COL25A1: variants seen among roughly 807,000 people sequenced by gnomAD.
COL25A1 encodes the protein collagen alpha-1(XXV) chain.
COL25A1 carries 103 observed loss-of-function variants against 128.4 expected under a neutral mutation model. The observed-to-expected ratio is 0.80, with a 90% CI of 0.68 to 0.94. COL25A1 has a LOEUF of 0.94. Ranked by LOEUF, COL25A1 falls within the 40% of genes least tolerant of loss-of-function variation. The pLI is 0.00. For missense variants in COL25A1, 745 were observed against 840.0 expected, an observed-to-expected ratio of 0.89 and a Z score of 1.40; for synonymous variants, 279 against 277.2, an observed-to-expected ratio of 1.01 and a Z score of -0.06.
At chr4:108,931,784 A>C (rs1014613343) in intron 11 of COL25A1, among the ~76,000 whole-genome samples, 1 of 152,120 alleles carries the variant, frequency 6.6e-6, no homozygotes, top group Non-Finnish European at 1.5e-5. Flanking sequence ...TCACTTGTCT[A>C]CTTTTTCTGG....
chr4:109,042,019 G>A (rs997344463), intron 5 of COL25A1, among the ~76,000 whole-genome samples: 13 of 152,066 alleles, frequency 8.5e-5, no homozygotes, highest in Admixed American at 3.9e-4. Context: ...CAAAAAAATT[G>A]TCAATATTTT....
intron 3 of COL25A1, among the ~76,000 whole-genome samples, chr4:109,094,927 A>G (rs572308497): frequency 6.6e-6 from 1 of 152,338 alleles, no homozygotes; most frequent in South Asian, 2.1e-4. Context: ...TTAAATATAT[A>G]CTAATCATGC....
Position 109,251,135 on chromosome 4 carries a change from T to G in COL25A1, c.367+49448A>C, listed in dbSNP as rs531557767. Among the ~76,000 whole-genome samples the G allele has an allele frequency of 1.4e-4, 22 of 152,274 alleles. No individual in the cohort carries two copies. The South Asian group carries it at 4.6e-3, about 32-fold the overall frequency. ...TAAGGGAATAAGGGAAGAAAACAGA[T>G]TTTTGCTTAATATATTTACACACAC... On this transcript the variant is annotated intron_variant, in intron 3 of 37. Coordinates refer to ENST00000399132, the MANE Select transcript of COL25A1 (RefSeq NM_198721.4).
chr4:109,238,004 T>C (rs953159510), intron 3 of COL25A1, among the ~76,000 whole-genome samples: 1 of 152,110 alleles, frequency 6.6e-6, no homozygotes, highest in Non-Finnish European at 1.5e-5. Flanking sequence ...ATCTTTTCTT[T>C]TTTAAGCCTA....
At chr4:108,816,057 T>A (rs1731220084) in intron 37 of COL25A1, among the ~76,000 whole-genome samples, 1 of 152,124 alleles carries the variant, frequency 6.6e-6, no homozygotes, top group Non-Finnish European at 1.5e-5. Flanking sequence ...GAACGGGGGT[T>A]ATGATAGTGG....
At chr4:109,025,277 C>T (rs1254346283) in intron 5 of COL25A1, among the ~76,000 whole-genome samples, 1 of 152,136 alleles carries the variant, frequency 6.6e-6, no homozygotes, top group Admixed American at 6.5e-5. Context: ...GCTCAGCTTC[C>T]ATTGCTTTAA....
At chr4:108,851,451 GAC>G (rs1735768338) in intron 26 of COL25A1, among the ~76,000 whole-genome samples, 1 of 152,082 alleles carries the variant, frequency 6.6e-6, no homozygotes. Flanking sequence ...TGTGTGTTAT[GAC>G]AGACTTAGCA....
intron 8 of COL25A1, among the ~76,000 whole-genome samples, chr4:108,962,889 C>T (rs953339052): frequency 2.0e-5 from 3 of 152,200 alleles, no homozygotes; most frequent in Non-Finnish European, 2.9e-5. Flanking sequence ...CCCCCAAAGT[C>T]ACTGTAGAAT....
At chr4:109,176,624 T>A (rs1774135102) in intron 3 of COL25A1, among the ~76,000 whole-genome samples, 1 of 152,118 alleles carries the variant, frequency 6.6e-6, no homozygotes, top group African/African-American at 2.4e-5. Flanking sequence ...CAAAAAGATA[T>A]GTCCAAGCCC....
chr4:109,293,276 A>G (rs1724645841), intron 3 of COL25A1, among the ~76,000 whole-genome samples: 1 of 152,070 alleles, frequency 6.6e-6, no homozygotes, highest in Non-Finnish European at 1.5e-5. Context: ...AACAATAAGA[A>G]CTCTAAAATA....
At chr4:108,888,176 T>C (rs1226691341) in intron 18 of COL25A1, among the ~76,000 whole-genome samples, 1 of 152,118 alleles carries the variant, frequency 6.6e-6, no homozygotes, top group Non-Finnish European at 1.5e-5. Flanking sequence ...GTTAAAAGAA[T>C]GTGAAAGACC....
chr4:109,098,278 AAGGG>A (rs1392646934), intron 3 of COL25A1, among the ~76,000 whole-genome samples: 1 of 152,200 alleles, frequency 6.6e-6, no homozygotes, highest in Non-Finnish European at 1.5e-5. Flanking sequence ...TCTGTGGGCC[AAGGG>A]AAGGCCCTGG....
intron 24 of COL25A1, among the ~76,000 whole-genome samples, chr4:108,854,220 A>C (rs1736185477): frequency 6.6e-6 from 1 of 152,196 alleles, no homozygotes; most frequent in Non-Finnish European, 1.5e-5. Context: ...AATTAACTCA[A>C]AACGGATTAA....
chr4:109,262,841 C>G (rs1464824631), intron 3 of COL25A1, among the ~76,000 whole-genome samples: 6 of 152,004 alleles, frequency 3.9e-5, no homozygotes, highest in Middle Eastern at 3.4e-3. Context: ...TCTATCAAAA[C>G]CTTTCAGGCC....
intron 3 of COL25A1, among the ~76,000 whole-genome samples, chr4:109,141,428 T>C (rs1051601081): frequency 1.3e-5 from 2 of 152,118 alleles, no homozygotes; most frequent in African/African-American, 2.4e-5. Flanking sequence ...GGTTTTGGTA[T>C]CAGGATGATG....
At chr4:109,010,002 C>T (rs546086266) in intron 6 of COL25A1, among the ~76,000 whole-genome samples, 1 of 152,316 alleles carries the variant, frequency 6.6e-6, no homozygotes, top group South Asian at 2.1e-4. Context: ...TGCAGGGATT[C>T]ACAACAACAT....
intron 8 of COL25A1, among the ~76,000 whole-genome samples, chr4:108,962,201 T>A (rs559761037): frequency 4.3e-4 from 66 of 152,082 alleles, no homozygotes; most frequent in African/African-American, 1.5e-3. Context: ...TTTTCTTTTT[T>A]TTTTGAGACG....
rs992568195 is a variant in COL25A1 at position 109,197,042 on chromosome 4, T to C, written c.367+103541A>G. ...ATGTAAAGTCACAGGACAGGGCCAG[T>C]TGCAGTGGCTCACACCTGTAATCCC... On this transcript the variant is annotated intron_variant, in intron 3 of 37. Coordinates refer to ENST00000399132, the MANE Select transcript of COL25A1 (RefSeq NM_198721.4). Among the ~76,000 whole-genome samples, 5 of 151,882 alleles carry C rather than the reference T, an allele frequency of 3.3e-5. No individual in the cohort carries two copies. In the East Asian group the frequency reaches 9.6e-4, roughly 29 times the overall value.
intron 5 of COL25A1, chr4:109,021,691 T>C: frequency 2.2e-6 from 1 of 452,684 alleles, no homozygotes; most frequent in South Asian, 1.6e-5. Flanking sequence ...TATAAATGGA[T>C]GTGCAAGTAG....
Sources: allele counts gnomAD v4.1 joint callset (sites outside exome capture counted in the v4.1 genomes callset), GRCh38; gene constraint gnomAD v4.1.1; transcripts MANE v1.5; gene names NCBI Gene and HGNC (gene_info 2026-07-23, HGNC 2026-07-21).